The following BCOR variants were observed in gnomAD, a reference collection of about 807,000 sequenced individuals.
BCOR encodes BCL6 corepressor, also known as BCL-6 corepressor.
A neutral mutation model predicts 86.7 loss-of-function variants in BCOR; 10 were observed. That is an observed-to-expected ratio of 0.12 (90% confidence interval 0.07 to 0.20). The LOEUF is 0.20. Ranked by LOEUF, BCOR falls within the 10% of genes least tolerant of loss-of-function variation. The pLI, the probability that BCOR is intolerant of heterozygous loss-of-function variation, is 1.00. For missense variants in BCOR, 1,259 were observed against 1,452.1 expected (o/e 0.87, Z 2.16); for synonymous variants, 611 against 609.0 (o/e 1.00, Z -0.05).
chrX:40,096,086 G>A (rs1289418534), intron 1 of BCOR, among the ~76,000 whole-genome samples: 1 of 112,525 alleles, frequency 8.9e-6, no homozygotes, highest in African/African-American at 3.2e-5. Context: ...CGCCGGCTCC[G>A]AGCGCGGGCC....
At chrX:40,067,083 T>C (rs1478174361) in intron 6 of BCOR, among the ~76,000 whole-genome samples, 2 of 111,969 alleles carry the variant, frequency 1.8e-5, no homozygotes, top group Non-Finnish European at 3.8e-5. Flanking sequence ...GGGAGAAAGT[T>C]TTCCATTGGA....
intron 1 of BCOR, among the ~76,000 whole-genome samples, chrX:40,171,292 C>A (rs953704501): frequency 1.8e-5 from 2 of 112,598 alleles, no homozygotes; most frequent in East Asian, 2.8e-4. Flanking sequence ...TTGTCTCTTA[C>A]AACTGTCTGT....
At chrX:40,105,529 T>G (rs1937162142) in intron 1 of BCOR, among the ~76,000 whole-genome samples, 2 of 111,054 alleles carry the variant, frequency 1.8e-5, no homozygotes, top group African/African-American at 3.3e-5. Flanking sequence ...CGATGAGATG[T>G]CCCTGTCCCT....
chrX:40,139,489 A>G (rs972439093), intron 1 of BCOR, among the ~76,000 whole-genome samples: 125 of 10,117 alleles, frequency 0.012, 8 homozygotes, highest in South Asian at 0.021. Flanking sequence ...ATATATATAT[A>G]TATATATATT....
At chrX:40,107,708 T>C (rs1342154253) in intron 1 of BCOR, among the ~76,000 whole-genome samples, 1 of 112,982 alleles carries the variant, frequency 8.9e-6, no homozygotes, top group East Asian at 2.8e-4. Context: ...TCCTGACCAG[T>C]GCCAGCCCCG....
Position 40,057,292 on chromosome X carries a change from C to G in BCOR, c.4458G>C (p.Lys1486Asn). 8.3e-7 allele frequency: 1 copy of G among 1,211,832 alleles called. No homozygotes were observed. The highest frequency in any genetic ancestry group is 1.1e-6 in the Non-Finnish European group (1 of 895,385). Residue 1486 changes from lysine to asparagine, a missense_variant, in exon 11 of 15, where the codon AAG becomes AAC. Physicochemically the swap from Lys to Asn is moderately conservative, Grantham distance 94. Transcript: ENST00000378444. ...TGTCCCGATGATTTACATCACAAAT[C>G]TTGTTCTCTAAGCAGTACAGGACCA... ...EEVVLYCLEN[K>N]ICDVNHRDNA...
Position 40,071,103 on chromosome X carries a change from T to C in BCOR, c.3108A>G (p.Pro1036=), listed in dbSNP as rs1252068291. Reference sequence around the variant, plus strand: ...TGCACATCTCGGAGTCTTTGGTTGCTGGGTGGCCACCTTCTCTTTCTTTCA... The same window carrying C: ...TGCACATCTCGGAGTCTTTGGTTGCCGGGTGGCCACCTTCTCTTTCTTTCA... The part of the protein sequence containing the change: ...LEMKEREGGH[P]ATKDSEMCKF... The change falls in exon 6 of 15, where the codon CCA becomes CCG. Residue 1036 remains proline (P), a synonymous_variant. Coordinates refer to ENST00000378444, the MANE Select transcript of BCOR (RefSeq NM_001123385.2). 8.3e-7 allele frequency: 1 copy of C among 1,210,874 alleles called. No homozygotes were observed. Among genetic ancestry groups the C allele is most frequent in the Non-Finnish European group, 1.1e-6 (1 of 895,098 alleles).
At chrX:40,166,746 G>C (rs189427285) in intron 1 of BCOR, among the ~76,000 whole-genome samples, 1 of 112,167 alleles carries the variant, frequency 8.9e-6, no homozygotes, top group Non-Finnish European at 1.9e-5. Flanking sequence ...AAGTGCATCT[G>C]GTTATGATTA....
At chrX:40,160,287 G>T (rs1286015608) in intron 1 of BCOR, among the ~76,000 whole-genome samples, 1 of 109,621 alleles carries the variant, frequency 9.1e-6, no homozygotes, top group Non-Finnish European at 1.9e-5. Flanking sequence ...GGCTAATTTT[G>T]TGTATTTTTT....
At chrX:40,064,803 G>A (rs1935119624) in intron 6 of BCOR, among the ~76,000 whole-genome samples, 1 of 111,669 alleles carries the variant, frequency 9.0e-6, no homozygotes, top group Non-Finnish European at 1.9e-5. Flanking sequence ...GAAGACGAGT[G>A]GCAAGTAAAG....
At chrX:40,090,624 A>G (rs1451125412) in intron 1 of BCOR, among the ~76,000 whole-genome samples, 1 of 111,747 alleles carries the variant, frequency 8.9e-6, no homozygotes, top group Non-Finnish European at 1.9e-5. Flanking sequence ...ATCGCCGTCC[A>G]GCCAAGCCTG....
At chrX:40,068,984 C>A (rs777117603) in intron 6 of BCOR, among the ~76,000 whole-genome samples, 34 of 112,909 alleles carry the variant, frequency 3.0e-4, no homozygotes, top group Non-Finnish European at 5.8e-4. Context: ...CCTGTACCCT[C>A]TTTGTGACCC....
At chrX:40,164,406 A>G (rs1441317411) in intron 1 of BCOR, among the ~76,000 whole-genome samples, 5 of 113,021 alleles carry the variant, frequency 4.4e-5, no homozygotes, top group Non-Finnish European at 9.4e-5. Flanking sequence ...ACTGGGTTAA[A>G]AACAAAAGTG....
rs560134092 is a variant in BCOR, at chrX:40,153,334, G to A, written c.-41+23673C>T. Among the ~76,000 whole-genome samples the A allele has an allele frequency of 6.2e-5, 7 of 112,744 alleles. No homozygotes were observed. In the South Asian group the frequency reaches 2.5e-3, roughly 41 times the overall value. On this transcript the variant is annotated intron_variant, in intron 1 of 14. Transcript: ENST00000342274. ...CCCCACCCTCGCCCAAGGCCCGAGG[G>A]TGGGGGACAGCTGAAATGTCTTTGG...
intron 1 of BCOR, among the ~76,000 whole-genome samples, chrX:40,088,887 G>T (rs992180139): frequency 1.8e-5 from 2 of 111,961 alleles, no homozygotes. Flanking sequence ...TTGCCGAAGG[G>T]TACCTAGATG....
chrX:40,110,900 A>G (rs1479123224), intron 1 of BCOR, among the ~76,000 whole-genome samples: 4 of 107,382 alleles, frequency 3.7e-5, no homozygotes, highest in African/African-American at 1.0e-4. Flanking sequence ...TCTAGTAGAG[A>G]CGGGGTTTCA....
chrX:40,112,620 C>T (rs1937329469), intron 1 of BCOR, among the ~76,000 whole-genome samples: 1 of 111,483 alleles, frequency 9.0e-6, no homozygotes, highest in African/African-American at 3.3e-5. Context: ...CACACTGCCT[C>T]GTTGGCATGT....
chrX:40,088,402 C>T (rs1316100669), intron 1 of BCOR, among the ~76,000 whole-genome samples: 1 of 112,093 alleles, frequency 8.9e-6, no homozygotes, highest in East Asian at 2.8e-4. Context: ...TAGAGAGGGA[C>T]CAGGGATTCG....
chrX:40,106,389 G>A (rs1937185470), intron 1 of BCOR, among the ~76,000 whole-genome samples: 1 of 112,209 alleles, frequency 8.9e-6, no homozygotes, highest in African/African-American at 3.2e-5. Context: ...CGGCGTGTGC[G>A]GCGGCCCCGC....
Sources: allele counts gnomAD v4.1 joint callset (sites outside exome capture counted in the v4.1 genomes callset), GRCh38; gene constraint gnomAD v4.1.1; transcripts MANE v1.5; gene names NCBI Gene and HGNC (gene_info 2026-07-23, HGNC 2026-07-21).